Variants in GATAD2A observed in about 807,000 individuals in gnomAD.
The protein encoded by GATAD2A is GATA zinc finger domain containing 2A.
In GATAD2A, 12 loss-of-function variants were observed where a neutral mutation model predicts 68.5. The ratio of observed to expected loss-of-function variants is 0.18; its 90% CI spans 0.11 to 0.28. The LOEUF (loss-of-function observed/expected upper bound fraction) is 0.28, where lower values mean the gene tolerates loss of function less well. GATAD2A is among the 10% of genes least tolerant of loss of function. The pLI is 1.00. For missense variants in GATAD2A, 755 were observed against 868.5 expected, an observed-to-expected ratio of 0.87 and a Z score of 1.64; for synonymous variants, 410 against 375.3, an observed-to-expected ratio of 1.09 and a Z score of -1.07.
chr19:19,386,597 G>A (rs930355332), intron 1 of GATAD2A, among the ~76,000 whole-genome samples: 1 of 148,452 alleles, frequency 6.7e-6, no homozygotes. Flanking sequence ...TAGAGGATCC[G>A]TGCCTTTCTA....
chr19:19,463,773 TGAG>T (rs751012495), intron 1 of GATAD2A, among the ~76,000 whole-genome samples: 1 of 152,118 alleles, frequency 6.6e-6, no homozygotes, highest in Non-Finnish European at 1.5e-5. Flanking sequence ...TTCCTGGCCT[TGAG>T]GAGACCCCAG....
In GATAD2A at chr19:19,465,560, G is replaced by A. The variant is rs1255564433; in HGVS notation, c.215G>A (p.Gly72Asp). The A allele has an allele frequency of 2.5e-6, 4 of 1,613,726 alleles. No individual in the cohort carries two copies. The highest frequency in any genetic ancestry group is 3.4e-6 in the Non-Finnish European group (4 of 1,179,698). Residue 72 changes from glycine to aspartate, a missense_variant, in exon 2 of 12, where the codon GGC becomes GAC. Gly to Asp is a moderately conservative substitution (Grantham distance 94). Transcript: ENST00000683918. ...ACAGAGGCCACGGCCATGGCCATGG[G>A]CAGAGGCGAAGGGCTGGTGGGCGAT... is the stretch of plus-strand genomic sequence containing the variant. ...RATEATAMAM[G>D]RGEGLVGDGP...
chr19:19,504,066 A>T lies in GATAD2A; in HGVS notation c.1775-1278A>T, dbSNP rs548385023. 2.5e-3 allele frequency among the ~76,000 whole-genome samples: 386 copies of T among 152,236 alleles called. 2 individuals are homozygous for T. Among genetic ancestry groups the T allele is most frequent in the African/African-American group, 9.0e-3 (372 of 41,546 alleles). On this transcript the variant is annotated intron_variant, in intron 11 of 11. Coordinates refer to ENST00000683918, the MANE Select transcript of GATAD2A (RefSeq NM_001384528.1). ...TACAAAAAAATAATTAGCCAAGCAC[A>T]TGGCATGTGTCTGTGGTCCCAGCTA...
upstream of GATAD2A, among the ~76,000 whole-genome samples, chr19:19,405,432 AG>A (rs2050102698): frequency 6.6e-6 from 1 of 152,068 alleles, no homozygotes; most frequent in Non-Finnish European, 1.5e-5. Flanking sequence ...GCCGCCGGTG[AG>A]TTGGCCACGA....
chr19:19,464,146 G>T (rs544291623), intron 1 of GATAD2A, among the ~76,000 whole-genome samples: 1 of 152,310 alleles, frequency 6.6e-6, no homozygotes, highest in South Asian at 2.1e-4. Flanking sequence ...CAAGATGAGT[G>T]CCCTGCCTGT....
At chr19:19,416,054 A>C (rs563192285) in intron 1 of GATAD2A, among the ~76,000 whole-genome samples, 1 of 152,124 alleles carries the variant, frequency 6.6e-6, no homozygotes, top group African/African-American at 2.4e-5. Flanking sequence ...GACCTCCTGG[A>C]CTTAAGCCAT....
intron 7 of GATAD2A, 91 bp downstream of exon 7, chr19:19,496,310 T>A: frequency 8.3e-7 from 1 of 1,205,968 alleles, no homozygotes; most frequent in Non-Finnish European, 1.2e-6. Context: ...CAGTAGTGTT[T>A]CCCTGGGCTG....
At chr19:19,477,316 G>T (rs2058738750) in intron 2 of GATAD2A, among the ~76,000 whole-genome samples, 1 of 152,150 alleles carries the variant, frequency 6.6e-6, no homozygotes, top group Admixed American at 6.5e-5. Flanking sequence ...GATTTTTAGA[G>T]CTTATATCTT....
At chr19:19,434,975 G>T in intron 1 of GATAD2A, 1 of 385,530 alleles carries the variant, frequency 2.6e-6, no homozygotes, top group South Asian at 1.9e-5. Context: ...AGGAATGGTG[G>T]CTGGTTTCCC....
At position 19,469,673 on chromosome 19, in the gene GATAD2A, G is replaced by A. The variant is rs573073951; in HGVS notation, c.269+4059G>A. On this transcript the variant is annotated intron_variant, in intron 2 of 11. Transcript: ENST00000683918. ...TAAAGAAGCAAGATTCAGGCTGGGC[G>A]CAGTGGCTCACGCCTGTAATGCCAG... Among the ~76,000 whole-genome samples the A allele has an allele frequency of 1.2e-3, 190 of 152,082 alleles. 1 individual carries two copies. In the South Asian group the frequency reaches 0.013, roughly 10 times the overall value.
intron 8 of GATAD2A, among the ~76,000 whole-genome samples, chr19:19,500,354 C>G (rs1568341320): frequency 6.6e-6 from 1 of 152,170 alleles, no homozygotes; most frequent in East Asian, 1.9e-4. Context: ...GAGGGAAGGC[C>G]GAGAGTCTCG....
chr19:19,462,891 C>A (rs1366996453), intron 1 of GATAD2A, among the ~76,000 whole-genome samples: 1 of 152,144 alleles, frequency 6.6e-6, no homozygotes, highest in Non-Finnish European at 1.5e-5. Context: ...GGAACTGAGC[C>A]CAGAGCTTAC....
intron 1 of GATAD2A, among the ~76,000 whole-genome samples, chr19:19,461,598 G>A (rs1209634825): frequency 1.3e-5 from 2 of 152,216 alleles, no homozygotes; most frequent in Non-Finnish European, 2.9e-5. Flanking sequence ...TCAGAGCTGC[G>A]CTGTACCTGT....
chr19:19,409,405 C>T (rs2050662878), intron 1 of GATAD2A, among the ~76,000 whole-genome samples: 1 of 152,130 alleles, frequency 6.6e-6, no homozygotes. Context: ...TCCTCCTAAC[C>T]CTTGTCTGGT....
At chr19:19,470,749 A>G (rs933620290) in intron 2 of GATAD2A, among the ~76,000 whole-genome samples, 1 of 147,502 alleles carries the variant, frequency 6.8e-6, no homozygotes, top group African/African-American at 2.5e-5. Flanking sequence ...TAGCTGTAAA[A>G]AACAAAAAAA....
At chr19:19,411,329 G>T (rs1181047734) in intron 1 of GATAD2A, among the ~76,000 whole-genome samples, 1 of 152,236 alleles carries the variant, frequency 6.6e-6, no homozygotes, top group South Asian at 2.1e-4. Flanking sequence ...AAGCCAGGAG[G>T]CAGCCTCTTT....
intron 1 of GATAD2A, among the ~76,000 whole-genome samples, chr19:19,454,836 T>C (rs942779607): frequency 6.6e-6 from 1 of 151,954 alleles, no homozygotes; most frequent in African/African-American, 2.4e-5. Context: ...ACACAATTGA[T>C]GTGTTAGAGG....
intron 5 of GATAD2A, 121 bp downstream of exon 5, chr19:19,494,504 G>GAGT: frequency 1.6e-6 from 1 of 610,242 alleles, no homozygotes; most frequent in Non-Finnish European, 2.9e-6. Flanking sequence ...CTTTCCTTCT[G>GAGT]AGTAGGCTGG....
At chr19:19,476,374 A>T (rs1671862873) in intron 2 of GATAD2A, among the ~76,000 whole-genome samples, 1 of 152,096 alleles carries the variant, frequency 6.6e-6, no homozygotes, top group East Asian at 1.9e-4. Context: ...CTGTTGTCTT[A>T]TTTGTCACTC....
Sources: gnomAD v4.1 joint callset for allele counts (sites outside exome capture counted in the v4.1 genomes callset) on GRCh38, gnomAD v4.1.1 for gene constraint, MANE v1.5 for transcripts, NCBI Gene and HGNC (gene_info 2026-07-23, HGNC 2026-07-21) for gene names.